FBXL7: variants seen among roughly 807,000 people sequenced by gnomAD.
FBXL7 encodes F-box and leucine rich repeat protein 7.
A neutral mutation model predicts 38.3 loss-of-function variants in FBXL7; 12 were observed. That is an observed-to-expected ratio of 0.31 (90% CI 0.20 to 0.51). The LOEUF (loss-of-function observed/expected upper bound fraction) is 0.51. Among genes scored for constraint, FBXL7 ranks in the 20% least tolerant of loss-of-function variants. The pLI is 0.98. For synonymous variants in FBXL7, 297 were observed against 300.9 expected (o/e 0.99, Z 0.13); for missense variants, 567 against 676.4 (o/e 0.84, Z 1.79).
chr5:15,638,367 A>G (rs1292850589), intron 2 of FBXL7, among the ~76,000 whole-genome samples: 1 of 152,190 alleles, frequency 6.6e-6, no homozygotes, highest in Non-Finnish European at 1.5e-5. Context: ...TTGGTCATTT[A>G]TCCCCAGGCT....
chr5:15,842,392 C>T (rs1042349819), intron 2 of FBXL7, among the ~76,000 whole-genome samples: 15 of 152,142 alleles, frequency 9.9e-5, no homozygotes, highest in Admixed American at 5.9e-4. Context: ...CCACATTGTA[C>T]GTGGGAAGTA....
chr5:15,595,898 A>T (rs1012743400), intron 1 of FBXL7, among the ~76,000 whole-genome samples: 1 of 152,140 alleles, frequency 6.6e-6, no homozygotes, highest in Non-Finnish European at 1.5e-5. Context: ...TAGTTTCTTC[A>T]TGAGGTCAAT....
At chr5:15,557,157 C>A (rs1738268281) in intron 1 of FBXL7, among the ~76,000 whole-genome samples, 2 of 152,168 alleles carry the variant, frequency 1.3e-5, no homozygotes, top group Admixed American at 6.5e-5. Context: ...CCAGGATGGT[C>A]TCCATCTCTT....
intron 2 of FBXL7, among the ~76,000 whole-genome samples, chr5:15,835,119 G>C (rs1458174318): frequency 4.6e-5 from 7 of 152,088 alleles, no homozygotes; most frequent in Non-Finnish European, 1.0e-4. Context: ...GTAAATAGTG[G>C]GTGATTTGTG....
At chr5:15,619,109 T>G (rs994934136) in intron 2 of FBXL7, among the ~76,000 whole-genome samples, 4 of 152,154 alleles carry the variant, frequency 2.6e-5, no homozygotes, top group African/African-American at 9.7e-5. Context: ...CTCTTTACCC[T>G]TAGGAACTGA....
At chr5:15,509,775 A>G (rs1393759043) in intron 1 of FBXL7, among the ~76,000 whole-genome samples, 1 of 152,198 alleles carries the variant, frequency 6.6e-6, no homozygotes, top group African/African-American at 2.4e-5. Context: ...GGTTCCGTGT[A>G]AGTGAGGACC....
rs145140600 is a variant in FBXL7, at chr5:15,631,533, TA to T, written c.127+15466del. Among the ~76,000 whole-genome samples, 961 of 151,588 alleles carry T rather than the reference TA, an allele frequency of 6.3e-3. 7 individuals are homozygous for T. The highest frequency in any genetic ancestry group is 0.022 in the African/African-American group (906 of 41,372). ...CAACATGGTGAAACCCCGTCCCTAC[TA>T]AAAATACAAAAAATTAGCCAGGCAT... On this transcript the variant is annotated intron_variant, in intron 2 of 3. Coordinates refer to ENST00000504595, the MANE Select transcript of FBXL7 (RefSeq NM_012304.5).
chr5:15,770,885 A>T (rs569272469), intron 2 of FBXL7, among the ~76,000 whole-genome samples: 54 of 152,242 alleles, frequency 3.5e-4, no homozygotes, highest in Non-Finnish European at 4.1e-4. Context: ...TGTACCCATG[A>T]TGAGGCAGGC....
intron 2 of FBXL7, among the ~76,000 whole-genome samples, chr5:15,644,522 G>A (rs186493892): frequency 1.0e-4 from 15 of 149,582 alleles, no homozygotes; most frequent in Non-Finnish European, 1.3e-4. Context: ...AAGGTGGAAC[G>A]TGGGTGGTGG....
chr5:15,620,103 G>A (rs1482176491), intron 2 of FBXL7, among the ~76,000 whole-genome samples: 1 of 152,138 alleles, frequency 6.6e-6, no homozygotes, highest in East Asian at 1.9e-4. Flanking sequence ...AGTGATGATA[G>A]CAGCACAGCT....
Position 15,660,890 on chromosome 5 carries a change from T to C in FBXL7, c.127+44818T>C, listed in dbSNP as rs1360245881. Among the ~76,000 whole-genome samples the C allele has an allele frequency of 3.3e-5, 5 of 152,344 alleles. No individual in the cohort carries two copies. In the East Asian group the frequency reaches 9.7e-4, roughly 29 times the overall value. ...AACCACGTGGCCCATTTTGTAGAAC[T>C]TGGAGTGTAATCTAACTATTTTTTT... On this transcript the variant is annotated intron_variant, in intron 2 of 3. Coordinates refer to ENST00000504595, the MANE Select transcript of FBXL7 (RefSeq NM_012304.5).
intron 2 of FBXL7, among the ~76,000 whole-genome samples, chr5:15,926,359 A>T (rs1741876330): frequency 6.8e-6 from 1 of 148,050 alleles, no homozygotes; most frequent in Non-Finnish European, 1.5e-5. Context: ...TATTTATATA[A>T]TATATATTAT....
intron 2 of FBXL7, among the ~76,000 whole-genome samples, chr5:15,762,738 G>A (rs907811525): frequency 3.3e-5 from 5 of 152,138 alleles, no homozygotes; most frequent in African/African-American, 1.2e-4. Flanking sequence ...AAGTTTTTCA[G>A]AATGCTGAAA....
At chr5:15,603,608 T>C (rs866539564) in intron 1 of FBXL7, among the ~76,000 whole-genome samples, 3 of 152,356 alleles carry the variant, frequency 2.0e-5, no homozygotes, top group Middle Eastern at 3.4e-3. Context: ...AGAATTCATC[T>C]GTGAACTGCA....
At chr5:15,902,833 G>T (rs1406439259) in intron 2 of FBXL7, among the ~76,000 whole-genome samples, 1 of 152,234 alleles carries the variant, frequency 6.6e-6, no homozygotes, top group Admixed American at 6.5e-5. Flanking sequence ...TTCACTTCTG[G>T]CTTTCTAGGT....
At chr5:15,832,164 C>A (rs955887021) in intron 2 of FBXL7, among the ~76,000 whole-genome samples, 3 of 152,090 alleles carry the variant, frequency 2.0e-5, no homozygotes, top group African/African-American at 2.4e-5. Flanking sequence ...CTAAGACTTT[C>A]GAGAGCTTGT....
At chr5:15,602,022 T>C (rs1246647282) in intron 1 of FBXL7, among the ~76,000 whole-genome samples, 1 of 152,154 alleles carries the variant, frequency 6.6e-6, no homozygotes, top group Non-Finnish European at 1.5e-5. Flanking sequence ...AGCCATGTGA[T>C]GACTAAGGCT....
intron 1 of FBXL7, among the ~76,000 whole-genome samples, chr5:15,533,120 C>T (rs904032910): frequency 6.6e-6 from 1 of 152,102 alleles, no homozygotes; most frequent in African/African-American, 2.4e-5. Flanking sequence ...GGGGAGAAAT[C>T]TGGGCCAGAG....
At chr5:15,684,965 A>C (rs1742969340) in intron 2 of FBXL7, among the ~76,000 whole-genome samples, 1 of 152,214 alleles carries the variant, frequency 6.6e-6, no homozygotes, top group Admixed American at 6.5e-5. Flanking sequence ...TGCTGGGGAG[A>C]AAATTTTTGA....
Sources: gnomAD v4.1 joint callset for allele counts (sites outside exome capture counted in the v4.1 genomes callset) on GRCh38, gnomAD v4.1.1 for gene constraint, MANE v1.5 for transcripts, NCBI Gene and HGNC (gene_info 2026-07-23, HGNC 2026-07-21) for gene names.